Variants in CCDC170 observed in about 807,000 individuals in gnomAD.
CCDC170 encodes coiled-coil domain-containing protein 170.
A neutral mutation model predicts 72.6 loss-of-function variants in CCDC170; 69 were observed. The observed-to-expected ratio is 0.95, with a 90% CI of 0.78 to 1.16. The LOEUF (loss-of-function observed/expected upper bound fraction) is 1.16, where lower values mean the gene tolerates loss of function less well. Ranked by LOEUF, CCDC170 falls within the 50% of genes most tolerant of loss-of-function variation. The pLI, the probability that CCDC170 is intolerant of heterozygous loss-of-function variation, is 0.00. For synonymous variants in CCDC170, 300 were observed against 303.9 expected, an observed-to-expected ratio of 0.99 and a Z score of 0.13; for missense variants, 852 against 832.5, an observed-to-expected ratio of 1.02 and a Z score of -0.29.
intron 1 of CCDC170, among the ~76,000 whole-genome samples, chr6:151,535,353 G>A (rs1782558553): frequency 6.6e-6 from 1 of 152,110 alleles, no homozygotes; most frequent in Non-Finnish European, 1.5e-5. Context: ...CTTCCAGATG[G>A]GCAGGGGCTG....
At position 151,573,315 on chromosome 6, in the gene CCDC170, G is replaced by A; in HGVS notation, c.916G>A (p.Glu306Lys). ...CCTGAAGAAAAGCTCTTCTGAGTTG[G>A]AGAAGAGTTTGAAGGCCAGTCAGGA... ...SLLKKSSSEL[E>K]KSLKASQDAV... The change falls in exon 6 of 11, where the codon GAG becomes AAG. Residue 306 changes from glutamate to lysine, a missense_variant. Glu to Lys is a moderately conservative substitution (Grantham distance 56). Coordinates refer to ENST00000239374, the MANE Select transcript of CCDC170 (RefSeq NM_025059.4). 1 of 1,614,156 alleles carries A rather than the reference G, an allele frequency of 6.2e-7. No homozygotes were observed. Among genetic ancestry groups the A allele is most frequent in the Non-Finnish European group, 8.5e-7 (1 of 1,180,022 alleles).
intron 1 of CCDC170, among the ~76,000 whole-genome samples, chr6:151,531,539 G>A (rs1270341384): frequency 6.6e-6 from 1 of 152,180 alleles, no homozygotes; most frequent in Non-Finnish European, 1.5e-5. Context: ...AGGATGTCAA[G>A]GCTTAAGTCT....
intron 1 of CCDC170, among the ~76,000 whole-genome samples, chr6:151,526,188 C>T (rs1309630574): frequency 6.7e-6 from 1 of 149,368 alleles, no homozygotes; most frequent in Non-Finnish European, 1.5e-5. Context: ...TCTCTCCTCT[C>T]TCTCTTTCTT....
At chr6:151,523,380 T>A (rs1467660269) in intron 1 of CCDC170, among the ~76,000 whole-genome samples, 2 of 152,082 alleles carry the variant, frequency 1.3e-5, no homozygotes, top group Non-Finnish European at 2.9e-5. Flanking sequence ...TTAATAAAAG[T>A]ATTAAAAAAA....
chr6:151,544,227 G>C (rs1447109618), intron 3 of CCDC170, among the ~76,000 whole-genome samples: 2 of 152,166 alleles, frequency 1.3e-5, no homozygotes, highest in Non-Finnish European at 2.9e-5. Flanking sequence ...AAGACCCATG[G>C]CTATGTGGAT....
At chr6:151,610,593 C>T (rs187136005) in intron 9 of CCDC170, among the ~76,000 whole-genome samples, 6 of 152,270 alleles carry the variant, frequency 3.9e-5, no homozygotes, top group Admixed American at 6.5e-5. Flanking sequence ...GTTACATGAC[C>T]ACAATACAAT....
At chr6:151,504,499 TAATA>T (rs1782039511) in intron 1 of CCDC170, among the ~76,000 whole-genome samples, 2 of 151,996 alleles carry the variant, frequency 1.3e-5, no homozygotes, top group South Asian at 2.1e-4. Flanking sequence ...AAATAATTGG[TAATA>T]AATAAAATTT....
At chr6:151,598,100 C>T (rs1776651466) in intron 9 of CCDC170, among the ~76,000 whole-genome samples, 1 of 152,136 alleles carries the variant, frequency 6.6e-6, no homozygotes, top group Non-Finnish European at 1.5e-5. Flanking sequence ...AACGGGCACC[C>T]CCCAGAGAAG....
chr6:151,571,951 G>A (rs545114618), intron 5 of CCDC170, among the ~76,000 whole-genome samples: 1 of 152,216 alleles, frequency 6.6e-6, no homozygotes, highest in South Asian at 2.1e-4. Flanking sequence ...GAATTCCTAG[G>A]CTCAAGCAAT....
intron 5 of CCDC170, among the ~76,000 whole-genome samples, chr6:151,553,500 A>C (rs933002281): frequency 6.6e-6 from 1 of 152,202 alleles, no homozygotes; most frequent in African/African-American, 2.4e-5. Flanking sequence ...GGAGGGGTTA[A>C]AAAAGACTTG....
intron 1 of CCDC170, among the ~76,000 whole-genome samples, chr6:151,497,890 T>G (rs1582997610): frequency 7.0e-6 from 1 of 142,842 alleles, no homozygotes; most frequent in African/African-American, 2.6e-5. Context: ...GCAGGAGAAT[T>G]GCCTGAACCT....
intron 5 of CCDC170, among the ~76,000 whole-genome samples, chr6:151,568,100 A>C (rs1317006414): frequency 9.9e-6 from 1 of 101,360 alleles, no homozygotes; most frequent in Admixed American, 1.3e-4. Flanking sequence ...ACAGAGTGAG[A>C]CTCTGAAAAA....
At chr6:151,611,996 A>G (rs1302090421) in intron 9 of CCDC170, among the ~76,000 whole-genome samples, 1 of 152,172 alleles carries the variant, frequency 6.6e-6, no homozygotes, top group Admixed American at 6.5e-5. Flanking sequence ...GGTATGAGCC[A>G]CTGCGCCTGG....
intron 9 of CCDC170, 42 bp downstream of exon 9, chr6:151,596,619 A>G (rs969745123): frequency 3.1e-6 from 5 of 1,606,508 alleles, no homozygotes; most frequent in African/African-American, 1.3e-5. Flanking sequence ...TTTGCTGGTT[A>G]CTGTCAATGT....
intron 9 of CCDC170, among the ~76,000 whole-genome samples, chr6:151,600,828 A>G (rs1776694754): frequency 6.6e-6 from 1 of 152,132 alleles, no homozygotes; most frequent in African/African-American, 2.4e-5. Flanking sequence ...ACCGCTATCT[A>G]ATACCAGGAC....
In CCDC170 at chr6:151,563,088, A is replaced by T. The variant is rs182215994; in HGVS notation, c.775-10086A>T. On this transcript the variant is annotated intron_variant, in intron 5 of 10. Coordinates refer to ENST00000239374, the MANE Select transcript of CCDC170 (RefSeq NM_025059.4). ...TCTCTTCCCCCAGACCAGAGCAGGTACCTCCATGGTTTGTCTGTCTTCCTT... is the reference window on the plus strand; with the variant it reads ...TCTCTTCCCCCAGACCAGAGCAGGTTCCTCCATGGTTTGTCTGTCTTCCTT... 1.3e-3 allele frequency among the ~76,000 whole-genome samples: 193 copies of T among 152,200 alleles called. 1 individual carries two copies. The highest frequency in any genetic ancestry group is 4.3e-3 in the African/African-American group (177 of 41,540).
intron 6 of CCDC170, among the ~76,000 whole-genome samples, chr6:151,577,769 C>CT (rs1776325081): frequency 6.6e-6 from 1 of 152,210 alleles, no homozygotes; most frequent in Admixed American, 6.5e-5. Flanking sequence ...AGTTCACCTC[C>CT]TGTCAGATCA....
chr6:151,564,632 C>T (rs1054303945), intron 5 of CCDC170, among the ~76,000 whole-genome samples: 7 of 152,036 alleles, frequency 4.6e-5, no homozygotes, highest in Non-Finnish European at 1.0e-4. Context: ...AGGCCCTGCG[C>T]CTGCAGGTTG....
intron 6 of CCDC170, among the ~76,000 whole-genome samples, chr6:151,582,764 G>C (rs1403611418): frequency 1.3e-5 from 2 of 152,096 alleles, no homozygotes; most frequent in Non-Finnish European, 2.9e-5. Flanking sequence ...GGAGAGAGAG[G>C]AGGAGGTGCC....
Sources: gnomAD v4.1 joint callset for allele counts (sites outside exome capture counted in the v4.1 genomes callset) on GRCh38, gnomAD v4.1.1 for gene constraint, MANE v1.5 for transcripts, NCBI Gene and HGNC (gene_info 2026-07-23, HGNC 2026-07-21) for gene names.